The following TMEM74B variants were observed in gnomAD, a reference collection of about 807,000 sequenced individuals.
The protein encoded by TMEM74B is transmembrane protein C20orf46.
In TMEM74B, 7 loss-of-function variants were observed where a neutral mutation model predicts 6.5. That is an observed-to-expected ratio of 1.07 (90% CI 0.61 to 2.01). TMEM74B has a LOEUF of 2.01. Ranked by LOEUF, TMEM74B falls within the 30% of genes most tolerant of loss-of-function variation. The pLI is 0.00. For missense variants in TMEM74B, 342 were observed against 337.0 expected, an observed-to-expected ratio of 1.01 and a Z score of -0.12; for synonymous variants, 151 against 151.6, an observed-to-expected ratio of 1.00 and a Z score of 0.03.
At chr20:1,189,074 A>G (rs1422158314), upstream of TMEM74B, 1 of 152,226 alleles carries the variant, frequency 6.6e-6, no homozygotes, top group Non-Finnish European at 1.5e-5. The surrounding 1 kb of genome is among the most constrained non-coding windows in gnomAD (Gnocchi z 4.5). Context: ...GATGAAAGTC[A>G]ACTCCAACAG....
At chr20:1,183,308 GTGTGTGTT>G (rs1157428544) in intron 2 of TMEM74B, among the ~76,000 whole-genome samples, 1 of 144,214 alleles carries the variant, frequency 6.9e-6, no homozygotes, top group African/African-American at 2.5e-5. Context: ...GTGTGTGTGT[GTGTGTGTT>G]TGTGTGTGTG....
At chr20:1,182,858 A>C (rs890376979) in intron 2 of TMEM74B, among the ~76,000 whole-genome samples, 1 of 152,206 alleles carries the variant, frequency 6.6e-6, no homozygotes, top group Non-Finnish European at 1.5e-5. Context: ...TTGGTGAATT[A>C]GTTGCAAATG....
Position 1,183,961 on chromosome 20 carries a change from TAGAC to T in TMEM74B, c.-147-17_-147-14del. On this transcript the variant is annotated splice_polypyrimidine_tract_variant and intron_variant, in intron 1 of 2. Coordinates refer to ENST00000429036, the MANE Select transcript of TMEM74B (RefSeq NM_001304748.2). ...CAGACTGCTTTTACTTTCCAGTGAA[TAGAC>T]AGAAAAAAGAGATGTGTTTGTTGGT... 1.4e-6 allele frequency: 1 copy of T among 711,922 alleles called. No homozygotes were observed. Among genetic ancestry groups the T allele is most frequent in the South Asian group, 1.9e-5 (1 of 52,700 alleles). 44.1% of individuals were successfully genotyped at this position (711,922 alleles called of 1,614,324 possible).
rs542943614 is a variant in TMEM74B, at chr20:1,184,096, C to T, written c.-147-148G>A. ...TGCTCAGAAGTGGCCCCCACCCACA[C>T]CCTCAGCACCTTCCACCCAACTCAG... On this transcript the variant is annotated intron_variant, in intron 1 of 2. Transcript: ENST00000429036. The surrounding 1 kb of genome is among the most constrained non-coding windows in gnomAD (Gnocchi z 6.0). 11 of 361,806 alleles carry T rather than the reference C, an allele frequency of 3.0e-5. No individual in the cohort carries two copies. Among genetic ancestry groups the T allele is most frequent in the South Asian group, 2.9e-4 (8 of 27,600 alleles). The allele number at this position is 361,806 out of a possible 1,614,324, so 22.4% of individuals were successfully genotyped here.
intron 2 of TMEM74B, among the ~76,000 whole-genome samples, chr20:1,182,798 T>A (rs2086907513): frequency 6.6e-6 from 1 of 152,206 alleles, no homozygotes; most frequent in African/African-American, 2.4e-5. Context: ...GGACCATATT[T>A]GGCTGATAGA....
rs2086840733 is a variant in TMEM74B, at chr20:1,180,846, T to C, written c.*2A>G. On this transcript the variant is annotated 3_prime_UTR_variant, in exon 3 of 3. Transcript: ENST00000429036. The surrounding 1 kb of genome is among the most constrained non-coding windows in gnomAD (Gnocchi z 6.1). ...AAGCAGCCAGATAAGGTGGGCTAGTTCTTAAGACCTCTGGAGGGTGTGGCT... is the reference window on the plus strand; with the variant it reads ...AAGCAGCCAGATAAGGTGGGCTAGTCCTTAAGACCTCTGGAGGGTGTGGCT... 6.4e-7 allele frequency: 1 copy of C among 1,564,910 alleles called. No individual in the cohort carries two copies. The highest frequency in any genetic ancestry group is 8.7e-7 in the Non-Finnish European group (1 of 1,152,808).
At chr20:1,183,203 G>A (rs899060059) in intron 2 of TMEM74B, among the ~76,000 whole-genome samples, 2 of 152,212 alleles carry the variant, frequency 1.3e-5, no homozygotes, top group African/African-American at 2.4e-5. Context: ...ATGCTCCGGT[G>A]TGTCTACGCA....
upstream of TMEM74B, among the ~76,000 whole-genome samples, chr20:1,187,537 A>C (rs1176654110): frequency 6.6e-6 from 1 of 152,250 alleles, no homozygotes; most frequent in Non-Finnish European, 1.5e-5. Flanking sequence ...AAATGCTACC[A>C]AATAAAAGTA....
rs13036311 is a variant in TMEM74B, at chr20:1,184,949, T to C, written c.-795A>G. ...CGGCCCAGTCCACACCCCCTGCTCC[T>C]GCCCTTGCCCACAGACGCGGGACCC... On this transcript the variant is annotated 5_prime_UTR_variant, in exon 1 of 3. Coordinates refer to ENST00000429036, the MANE Select transcript of TMEM74B (RefSeq NM_001304748.2). This position sits in a 1 kb window ranked among gnomAD's most constrained non-coding sequence, Gnocchi z 6.0. Among the ~76,000 whole-genome samples, 23,240 of 152,192 alleles carry C rather than the reference T, an allele frequency of 0.15. 1,940 individuals are homozygous for C. Among genetic ancestry groups the C allele is most frequent in the Non-Finnish European group, 0.17 (11,886 of 67,984 alleles).
chr20:1,185,340 C>G (rs1388894223), upstream of TMEM74B: 1 of 151,930 alleles, frequency 6.6e-6, no homozygotes, highest in Non-Finnish European at 1.5e-5. Flanking sequence ...CCCTCCCGGT[C>G]TCCCGCCCCC....
rs779235971 is a variant in TMEM74B, at chr20:1,181,597, A to G, written c.32-10T>C. 1.4e-6 allele frequency: 2 copies of G among 1,450,902 alleles called. No individual in the cohort carries two copies. Among genetic ancestry groups the G allele is most frequent in the Admixed American group, 5.3e-5 (2 of 37,728 alleles). 89.9% of individuals were successfully genotyped at this position (1,450,902 alleles called of 1,614,324 possible). Reference sequence around the variant, plus strand: ...CTTGGCCCCTTGGCAGCTGGAAGAGAAAAAAGAAAGTCAGTTGAATGTAGC... The same window carrying G: ...CTTGGCCCCTTGGCAGCTGGAAGAGGAAAAAGAAAGTCAGTTGAATGTAGC... On this transcript the variant is annotated splice_polypyrimidine_tract_variant and intron_variant, in intron 2 of 2. Transcript: ENST00000429036. This position sits in a 1 kb window ranked among gnomAD's most constrained non-coding sequence, Gnocchi z 4.9.
At chr20:1,183,290 C>CTGTGTGTGTG (rs142394583) in intron 2 of TMEM74B, among the ~76,000 whole-genome samples, 86 of 149,312 alleles carry the variant, frequency 5.8e-4, no homozygotes, top group South Asian at 4.9e-3. Context: ...GGTTCGTTCT[C>CTGTGTGTGTG]TGTGTGTGTG....
intron 2 of TMEM74B, among the ~76,000 whole-genome samples, chr20:1,183,290 C>CCTG (rs1555769548): frequency 2.7e-5 from 4 of 149,214 alleles, no homozygotes; most frequent in Admixed American, 2.0e-4. Flanking sequence ...GGTTCGTTCT[C>CCTG]TGTGTGTGTG....
At chr20:1,188,411 TACAC>T (rs71327492), upstream of TMEM74B, among the ~76,000 whole-genome samples, 4 of 146,016 alleles carry the variant, frequency 2.7e-5, no homozygotes, top group East Asian at 4.1e-4. Flanking sequence ...AAAGAAATGC[TACAC>T]ACACACACAC....
At position 1,183,834 on chromosome 20, in the gene TMEM74B, T is replaced by G. The variant is rs1245673399; in HGVS notation, c.-33A>C. The G allele has an allele frequency of 6.2e-7, 1 of 1,613,486 alleles. No individual in the cohort carries two copies. The highest frequency in any genetic ancestry group is 1.7e-5 in the Admixed American group (1 of 60,004). On this transcript the variant is annotated 5_prime_UTR_variant, in exon 2 of 3. Coordinates refer to ENST00000429036, the MANE Select transcript of TMEM74B (RefSeq NM_001304748.2). Reference sequence around the variant, plus strand: ...CCAGCCTTCCCTGGCTCTGCATCCCTCACTCATAGACTCTTCATTTTATCC... The same window carrying G: ...CCAGCCTTCCCTGGCTCTGCATCCCGCACTCATAGACTCTTCATTTTATCC...
rs140381173 is a variant in TMEM74B, at chr20:1,181,990, C to T, written c.32-403G>A. On this transcript the variant is annotated intron_variant, in intron 2 of 2. Transcript: ENST00000429036. The surrounding 1 kb of genome is among the most constrained non-coding windows in gnomAD (Gnocchi z 4.9). ...ATGTAGGTAGTGTGAATATCAGGCT[C>T]AAATCCCAGCTTCACCACTTGGGCT... Among the ~76,000 whole-genome samples, 731 of 152,330 alleles carry T rather than the reference C, an allele frequency of 4.8e-3. 3 individuals carry two copies. Among genetic ancestry groups the T allele is most frequent in the Middle Eastern group, 0.027 (8 of 294 alleles).
chr20:1,187,081 C>T (rs2087032076), upstream of TMEM74B, among the ~76,000 whole-genome samples: 1 of 152,162 alleles, frequency 6.6e-6, no homozygotes, highest in Non-Finnish European at 1.5e-5. Context: ...CTGCCTGGGA[C>T]GTTTTTCTTT....
At position 1,180,706 on chromosome 20, in the gene TMEM74B, C is replaced by T. The variant is rs932328305; in HGVS notation, c.*142G>A. 4.8e-6 allele frequency: 6 copies of T among 1,240,778 alleles called. No homozygotes were observed. The highest frequency in any genetic ancestry group is 6.5e-6 in the Non-Finnish European group (6 of 924,566). The allele number at this position is 1,240,778 out of a possible 1,614,324, so 76.9% of individuals were successfully genotyped here. ...ATGGGCTGGGCCCCGAGCTCTCCCT[C>T]CAGCACCCAGTACTTCTTCCACAAG... On this transcript the variant is annotated 3_prime_UTR_variant, in exon 3 of 3. Coordinates refer to ENST00000429036, the MANE Select transcript of TMEM74B (RefSeq NM_001304748.2). The surrounding 1 kb of genome is among the most constrained non-coding windows in gnomAD (Gnocchi z 6.1).
Position 1,180,655 on chromosome 20 carries a change from C to A in TMEM74B, c.*193G>T. The A allele has an allele frequency of 1.6e-6, 1 of 622,034 alleles. No homozygotes were observed. The highest frequency in any genetic ancestry group is 2.5e-6 in the Non-Finnish European group (1 of 407,770). 38.5% of individuals were successfully genotyped at this position (622,034 alleles called of 1,614,324 possible). ...GCAAAACCTCAGCTACAAAACAGAT[C>A]AGTGGGCTGCTTGCCCGTGTGGGGC... On this transcript the variant is annotated 3_prime_UTR_variant, in exon 3 of 3. Coordinates refer to ENST00000429036, the MANE Select transcript of TMEM74B (RefSeq NM_001304748.2). The surrounding 1 kb of genome is among the most constrained non-coding windows in gnomAD (Gnocchi z 6.1).
Sources: gnomAD v4.1 joint callset for allele counts (sites outside exome capture counted in the v4.1 genomes callset) on GRCh38, gnomAD v4.1.1 for gene constraint, Gnocchi (gnomAD v3.1) non-coding constraint, MANE v1.5 for transcripts, NCBI Gene and HGNC (gene_info 2026-07-23, HGNC 2026-07-21) for gene names.